The following INTS6 variants were observed in gnomAD, a reference collection of about 807,000 sequenced individuals.
INTS6 encodes DEAD box protein.
INTS6 carries 16 observed loss-of-function variants against 104.9 expected under a neutral mutation model. That is an observed-to-expected ratio of 0.15 (90% CI 0.10 to 0.23). The LOEUF (loss-of-function observed/expected upper bound fraction) is 0.23. Ranked by LOEUF, INTS6 falls within the 10% of genes least tolerant of loss-of-function variation. INTS6 has a pLI of 1.00. For synonymous variants in INTS6, 324 were observed against 358.7 expected (o/e 0.90, Z 1.09); for missense variants, 584 against 1,062.8 (o/e 0.55, Z 6.26).
intron 4 of INTS6, among the ~76,000 whole-genome samples, chr13:51,424,867 T>C (rs145458367): frequency 6.6e-6 from 1 of 152,134 alleles, no homozygotes; most frequent in African/African-American, 2.4e-5. Context: ...CAAAATTCCT[T>C]ACAGATCTTT....
rs199886113 is a variant in INTS6, at chr13:51,369,202, G to T, written c.2213C>A (p.Ala738Glu). The T allele has an allele frequency of 1.2e-6, 2 of 1,613,848 alleles. No individual in the cohort carries two copies. The highest frequency in any genetic ancestry group is 1.7e-6 in the Non-Finnish European group (2 of 1,179,850). Reference sequence around the variant, plus strand: ...TTCCAGTAAACTGGCTGGAGAAGATGCTGAAAATTCCGTATCCATAGCATT... The same window carrying T: ...TTCCAGTAAACTGGCTGGAGAAGATTCTGAAAATTCCGTATCCATAGCATT... ...TPNAMDTEFSASSPASLLERP... is the reference protein window; with the variant it reads ...TPNAMDTEFSESSPASLLERP... Residue 738 changes from alanine (A) to glutamate (E), a missense_variant, in exon 16 of 18, where the codon GCA (alanine) becomes GAA (glutamate). Around this residue, in one of 5 missense-constraint regions of INTS6, gnomAD observed 296 missense variants for 437.0 expected, o/e 0.68. Coordinates refer to ENST00000311234, the MANE Select transcript of INTS6 (RefSeq NM_012141.3).
the INTS6 span, among the ~76,000 whole-genome samples, chr13:51,342,482 T>C: frequency 6.6e-6 from 1 of 152,222 alleles, no homozygotes; most frequent in Non-Finnish European, 1.5e-5. Flanking sequence ...ATGAACACAG[T>C]CAACCTCCGG....
chr13:51,361,319 A>G (rs377721713), downstream of INTS6: 23 of 1,610,370 alleles, frequency 1.4e-5, no homozygotes, highest in African/African-American at 5.4e-5. Context: ...CCACAAGGCC[A>G]AGATTGAAGT....
chr13:51,444,659 G>C (rs934324866), intron 3 of INTS6: 5 of 151,734 alleles, frequency 3.3e-5, no homozygotes, highest in African/African-American at 1.2e-4. Context: ...TGAAGCAGGA[G>C]AATGGCTTGA....
chr13:51,361,278 G>C (rs1229269194), downstream of INTS6: 1 of 1,604,190 alleles, frequency 6.2e-7, no homozygotes, highest in Non-Finnish European at 8.5e-7. Context: ...CTGTGGTTAG[G>C]CCAAGATGGC....
At chr13:51,385,424 A>T (rs1956126517) in intron 7 of INTS6, among the ~76,000 whole-genome samples, 1 of 152,220 alleles carries the variant, frequency 6.6e-6, no homozygotes, top group Admixed American at 6.5e-5. Flanking sequence ...TTATTGAATC[A>T]GTCCACAAAA....
chr13:51,408,278 G>A (rs1431919066), intron 4 of INTS6, among the ~76,000 whole-genome samples: 2 of 151,494 alleles, frequency 1.3e-5, no homozygotes, highest in Non-Finnish European at 2.9e-5. Context: ...CGAGTAGCTG[G>A]GATTACAGGC....
chr13:51,411,631 C>G (rs1459688444), intron 4 of INTS6, among the ~76,000 whole-genome samples: 1 of 150,874 alleles, frequency 6.6e-6, no homozygotes, highest in African/African-American at 2.4e-5. Context: ...CAAACTAAAA[C>G]CAAAAAGAGA....
chr13:51,357,912 G>A (rs1025030681), downstream of INTS6, among the ~76,000 whole-genome samples: 2 of 152,064 alleles, frequency 1.3e-5, no homozygotes, highest in African/African-American at 2.4e-5. Flanking sequence ...ATCTCTGCTC[G>A]GTAAGAAGTA....
chr13:51,340,745 T>C, the INTS6 span: 1 of 333,540 alleles, frequency 3.0e-6, no homozygotes. Flanking sequence ...CTCTTACATT[T>C]CTTTTCCCAA....
chr13:51,432,602 A>G (rs915298554), intron 3 of INTS6, among the ~76,000 whole-genome samples: 7 of 152,206 alleles, frequency 4.6e-5, no homozygotes, highest in Non-Finnish European at 1.0e-4. Context: ...GACTCACTGA[A>G]TATAGCTTAA....
chr13:51,342,482 T>G, the INTS6 span, among the ~76,000 whole-genome samples: 2 of 152,222 alleles, frequency 1.3e-5, no homozygotes, highest in African/African-American at 4.8e-5. Context: ...ATGAACACAG[T>G]CAACCTCCGG....
chr13:51,387,640 T>G, intron 6 of INTS6, 100 bp from the exon 7 acceptor site: 2 of 918,956 alleles, frequency 2.2e-6, no homozygotes, highest in Non-Finnish European at 1.5e-6. Context: ...AATAAAAAAT[T>G]CCTAATATCT....
At chr13:51,404,329 C>T (rs1593715918) in intron 4 of INTS6, among the ~76,000 whole-genome samples, 1 of 150,968 alleles carries the variant, frequency 6.6e-6, no homozygotes, top group South Asian at 2.1e-4. Flanking sequence ...GCTCCCTCCA[C>T]CCCAACACAC....
chr13:51,417,328 G>A (rs192400802), intron 4 of INTS6, among the ~76,000 whole-genome samples: 34 of 152,100 alleles, frequency 2.2e-4, no homozygotes, highest in African/African-American at 7.9e-4. Flanking sequence ...CTAAGTTTTA[G>A]CTCTTATATT....
the INTS6 span, chr13:51,344,489 A>G: frequency 2.6e-6 from 4 of 1,560,870 alleles, no homozygotes; most frequent in African/African-American, 5.4e-5. Flanking sequence ...ACTGCAGGTA[A>G]AAGAAAACTG....
chr13:51,452,532 G>A lies in INTS6; in HGVS notation c.-7C>T. 6.2e-7 allele frequency: 1 copy of A among 1,610,134 alleles called. No homozygotes were observed. Among genetic ancestry groups the A allele is most frequent in the South Asian group, 1.1e-5 (1 of 91,020 alleles). ...GGAACAGTAAGATGGGCATAGTGCT[G>A]GCCGGGGACACCGGGGCCCGAGGTG... On this transcript the variant is annotated 5_prime_UTR_variant, in exon 1 of 18. Coordinates refer to ENST00000311234, the MANE Select transcript of INTS6 (RefSeq NM_012141.3). This position sits in a 1 kb window ranked among gnomAD's most constrained non-coding sequence, Gnocchi z 4.2.
At chr13:51,348,464 C>A in the INTS6 span, 3 of 1,504,230 alleles carry the variant, frequency 2.0e-6, no homozygotes, top group Admixed American at 1.7e-5. Flanking sequence ...GTCAGAAGAG[C>A]GTGGATTTGC....
the INTS6 span, chr13:51,341,334 G>A: frequency 1.2e-6 from 2 of 1,600,678 alleles, no homozygotes; most frequent in Non-Finnish European, 1.7e-6. Flanking sequence ...ATGCCCTGGG[G>A]TACACTGTCC....
Sources: allele counts gnomAD v4.1 joint callset (sites outside exome capture counted in the v4.1 genomes callset), GRCh38; gene constraint gnomAD v4.1.1; regional missense constraint gnomAD v4.1.1; non-coding constraint Gnocchi (gnomAD v3.1); transcripts MANE v1.5; gene names NCBI Gene and HGNC (gene_info 2026-07-23, HGNC 2026-07-21).